The following IQSEC2 variants were observed in gnomAD, a reference collection of about 807,000 sequenced individuals.
The protein encoded by IQSEC2 is IQ motif and Sec7 domain ArfGEF 2.
IQSEC2 carries 6 observed loss-of-function variants against 74.6 expected under a neutral mutation model. The observed-to-expected ratio is 0.08, with a 90% CI of 0.04 to 0.16. The LOEUF is 0.16. IQSEC2 is among the 10% of genes least tolerant of loss of function. The pLI, the probability that IQSEC2 is intolerant of heterozygous loss-of-function variation, is 1.00. For synonymous variants in IQSEC2, 494 were observed against 544.5 expected, an observed-to-expected ratio of 0.91 and a Z score of 1.29; for missense variants, 734 against 1,306.2, an observed-to-expected ratio of 0.56 and a Z score of 6.75.
At chrX:53,257,711 G>T (rs914476094) in intron 2 of IQSEC2, among the ~76,000 whole-genome samples, 6 of 112,168 alleles carry the variant, frequency 5.3e-5, no homozygotes, top group Non-Finnish European at 7.5e-5. Context: ...GGCATTTGAG[G>T]CTTCTCCAAG....
At chrX:53,292,658 G>A (rs1333791089) in intron 1 of IQSEC2, among the ~76,000 whole-genome samples, 4 of 112,012 alleles carry the variant, frequency 3.6e-5, no homozygotes, top group Non-Finnish European at 7.5e-5. Flanking sequence ...GAAGAGAATG[G>A]AGTTGGGGAC....
chrX:53,249,536 T>A (rs1222013572), intron 5 of IQSEC2, among the ~76,000 whole-genome samples: 1 of 112,141 alleles, frequency 8.9e-6, no homozygotes, highest in Non-Finnish European at 1.9e-5. Flanking sequence ...CAAGCCTTGG[T>A]TCCTTATCTA....
chrX:53,244,525 C>CAAAAAA (rs1190920344), intron 8 of IQSEC2, among the ~76,000 whole-genome samples: 1 of 47,775 alleles, frequency 2.1e-5, no homozygotes, highest in African/African-American at 6.0e-5. Flanking sequence ...GACCCTGTCT[C>CAAAAAA]AAAAAAAAAA....
chrX:53,241,660 G>T, intron 10 of IQSEC2, 124 bp downstream of exon 10: 1 of 970,098 alleles, frequency 1.0e-6, no homozygotes. Flanking sequence ...CATGCAGATG[G>T]CATGGCAGAA....
intron 2 of IQSEC2, among the ~76,000 whole-genome samples, chrX:53,265,292 A>G (rs181247551): frequency 1.9e-4 from 21 of 110,622 alleles, no homozygotes; most frequent in African/African-American, 6.6e-4. Context: ...CTAGAGGTTC[A>G]ATGTGATAGA....
intron 1 of IQSEC2, among the ~76,000 whole-genome samples, chrX:53,295,652 GAATA>G (rs1556874109): frequency 2.9e-5 from 3 of 103,305 alleles, no homozygotes. Flanking sequence ...GAAGATGAGA[GAATA>G]AATGGCAGAA....
At chrX:53,282,380 ATC>A (rs782160206) in intron 2 of IQSEC2, among the ~76,000 whole-genome samples, 6 of 112,838 alleles carry the variant, frequency 5.3e-5, no homozygotes, top group Admixed American at 3.7e-4. Flanking sequence ...TTACAGCAAC[ATC>A]TCTGTCCTCC....
At chrX:53,231,929 G>T (rs781965217), downstream of IQSEC2, 3 of 111,733 alleles carry the variant, frequency 2.7e-5, no homozygotes, top group Non-Finnish European at 5.6e-5. Flanking sequence ...TAAGAGCGGG[G>T]CCATCCAAAC....
chrX:53,228,622 C>G (rs942766597), downstream of IQSEC2, among the ~76,000 whole-genome samples: 1 of 111,874 alleles, frequency 8.9e-6, no homozygotes, highest in Non-Finnish European at 1.9e-5. Context: ...TTGTGTCTCA[C>G]TTTTTTTGGT....
At chrX:53,246,551 G>A (rs781794509) in intron 8 of IQSEC2, among the ~76,000 whole-genome samples, 1 of 111,926 alleles carries the variant, frequency 8.9e-6, no homozygotes, top group South Asian at 3.7e-4. Context: ...TGGTTGTTTG[G>A]TCGAGTGATA....
chrX:53,267,407 C>T (rs1180290919), intron 2 of IQSEC2, among the ~76,000 whole-genome samples: 1 of 112,132 alleles, frequency 8.9e-6, no homozygotes, highest in Non-Finnish European at 1.9e-5. Context: ...TCTCACTTAG[C>T]CCCTACAACA....
intron 2 of IQSEC2, among the ~76,000 whole-genome samples, chrX:53,289,042 C>A (rs782232835): frequency 4.6e-4 from 51 of 110,068 alleles, no homozygotes; most frequent in African/African-American, 1.7e-3. Flanking sequence ...AGCCCTCAGG[C>A]CTGGGTCATG....
intron 2 of IQSEC2, among the ~76,000 whole-genome samples, chrX:53,265,288 G>A (rs2074637560): frequency 9.0e-6 from 1 of 110,545 alleles, no homozygotes; most frequent in Non-Finnish European, 1.9e-5. Context: ...AAACCTAGAG[G>A]TTCAATGTGA....
intron 2 of IQSEC2, among the ~76,000 whole-genome samples, chrX:53,278,935 T>C (rs782554048): frequency 1.8e-5 from 2 of 112,316 alleles, no homozygotes; most frequent in African/African-American, 3.2e-5. Context: ...CCCAACACTT[T>C]GGGAGGCCAA....
At chrX:53,317,354 T>G (rs1054728989) in intron 1 of IQSEC2, among the ~76,000 whole-genome samples, 1 of 111,407 alleles carries the variant, frequency 9.0e-6, no homozygotes, top group Non-Finnish European at 1.9e-5. Flanking sequence ...CTGGAACCTG[T>G]CCAGAGGGGA....
intron 2 of IQSEC2, among the ~76,000 whole-genome samples, chrX:53,259,339 A>G (rs1183041837): frequency 9.3e-6 from 1 of 107,832 alleles, no homozygotes; most frequent in African/African-American, 3.4e-5. Context: ...CCTCATCTCT[A>G]CCAAAAATAC....
At chrX:53,280,253 C>A (rs1304781853) in intron 2 of IQSEC2, among the ~76,000 whole-genome samples, 7 of 106,732 alleles carry the variant, frequency 6.6e-5, no homozygotes, top group African/African-American at 2.4e-4. Flanking sequence ...GAAGATCCCT[C>A]ACAGGAAGGG....
chrX:53,319,656 A>G (rs1227531103), intron 1 of IQSEC2, among the ~76,000 whole-genome samples: 1 of 111,842 alleles, frequency 8.9e-6, no homozygotes, highest in African/African-American at 3.3e-5. Context: ...AACCCAAGAG[A>G]TAGTGCCAAG....
chrX:53,294,007 T>C (rs1409003326), intron 1 of IQSEC2, among the ~76,000 whole-genome samples: 1 of 111,486 alleles, frequency 9.0e-6, no homozygotes, highest in East Asian at 2.8e-4. Flanking sequence ...CCAAAGCTCA[T>C]GTTCCTACCA....
Sources: gnomAD v4.1 joint callset for allele counts (sites outside exome capture counted in the v4.1 genomes callset) on GRCh38, gnomAD v4.1.1 for gene constraint, MANE v1.5 for transcripts, NCBI Gene and HGNC (gene_info 2026-07-23, HGNC 2026-07-21) for gene names.